NR5A2: variants seen among roughly 807,000 people sequenced by gnomAD.
NR5A2 encodes the protein CYP7A promoter-binding factor.
A neutral mutation model predicts 62.7 loss-of-function variants in NR5A2; 26 were observed. The ratio of observed to expected loss-of-function variants is 0.41; its 90% CI spans 0.30 to 0.58. NR5A2 has a LOEUF of 0.58. Ranked by LOEUF, NR5A2 falls within the 20% of genes least tolerant of loss-of-function variation. The pLI is 0.22. For synonymous variants in NR5A2, 246 were observed against 241.7 expected, an observed-to-expected ratio of 1.02 and a Z score of -0.16; for missense variants, 541 against 669.1, an observed-to-expected ratio of 0.81 and a Z score of 2.11.
At chr1:200,084,794 TGTG>T (rs1319047356) in intron 5 of NR5A2, among the ~76,000 whole-genome samples, 2 of 152,172 alleles carry the variant, frequency 1.3e-5, no homozygotes, top group Non-Finnish European at 2.9e-5. Context: ...ATAACAAAAA[TGTG>T]GTATCAAAGC....
chr1:200,089,557 G>A (rs1237426330), intron 5 of NR5A2, among the ~76,000 whole-genome samples: 4 of 152,130 alleles, frequency 2.6e-5, no homozygotes, highest in Admixed American at 1.3e-4. Context: ...TGCAGCCTGC[G>A]CCCCCAGGTT....
At chr1:200,030,883 C>T (rs912895891) in intron 1 of NR5A2, among the ~76,000 whole-genome samples, 3 of 152,208 alleles carry the variant, frequency 2.0e-5, no homozygotes, top group Non-Finnish European at 4.4e-5. Context: ...GTCTTGCTAT[C>T]TGGTCCCCTG....
At chr1:200,034,809 TTTTTTA>T (rs1488388577) in intron 1 of NR5A2, among the ~76,000 whole-genome samples, 7 of 130,554 alleles carry the variant, frequency 5.4e-5, no homozygotes, top group African/African-American at 6.9e-5. Context: ...TTTTTTTTTT[TTTTTTA>T]AACAAGGCAC....
chr1:200,169,167 C>T (rs1654054488), intron 7 of NR5A2, among the ~76,000 whole-genome samples: 1 of 151,968 alleles, frequency 6.6e-6, no homozygotes, highest in Non-Finnish European at 1.5e-5. Flanking sequence ...TACGATGTCA[C>T]CACTGCTTTT....
At chr1:200,100,043 A>G (rs949570524) in intron 5 of NR5A2, among the ~76,000 whole-genome samples, 2 of 152,226 alleles carry the variant, frequency 1.3e-5, no homozygotes, top group Non-Finnish European at 2.9e-5. Context: ...CCCAGAGGAA[A>G]ATATATCAAG....
intron 2 of NR5A2, among the ~76,000 whole-genome samples, chr1:200,041,039 C>T (rs1662045849): frequency 1.3e-5 from 2 of 152,036 alleles, no homozygotes; most frequent in Non-Finnish European, 2.9e-5. Flanking sequence ...TTCTTCCGGG[C>T]ACCTGGAATT....
At position 200,120,726 on chromosome 1, in the gene NR5A2, T is replaced by C. The variant is rs1320247360; in HGVS notation, c.1231-82T>C. ...TTTAAAAACCTGTATTGCAATCTGATTTTACCCATAGTTCTTACGACTCAG... is the reference window on the plus strand; with the variant it reads ...TTTAAAAACCTGTATTGCAATCTGACTTTACCCATAGTTCTTACGACTCAG... On this transcript the variant is annotated intron_variant, in intron 6 of 7. Transcript: ENST00000367362. 3.6e-6 allele frequency: 5 copies of C among 1,392,162 alleles called. No individual in the cohort carries two copies. The Admixed American group carries it at 7.9e-5, about 22-fold the overall frequency. 86.2% of individuals were successfully genotyped at this position (1,392,162 alleles called of 1,614,324 possible).
chr1:200,157,423 A>T (rs1653438339), intron 7 of NR5A2, among the ~76,000 whole-genome samples: 1 of 152,222 alleles, frequency 6.6e-6, no homozygotes, highest in African/African-American at 2.4e-5. Flanking sequence ...AGAATTGAGC[A>T]TAGCACTTAC....
intron 1 of NR5A2, among the ~76,000 whole-genome samples, chr1:200,031,922 G>A (rs908402277): frequency 1.1e-4 from 16 of 152,274 alleles, no homozygotes; most frequent in Admixed American, 1.3e-4. Flanking sequence ...ATTTATAGAG[G>A]AAGGGAGAAC....
chr1:200,068,305 G>A (rs1220637358), intron 5 of NR5A2, among the ~76,000 whole-genome samples: 1 of 152,094 alleles, frequency 6.6e-6, no homozygotes, highest in Non-Finnish European at 1.5e-5. Context: ...TTACAGATGA[G>A]CATAAATATG....
chr1:200,102,258 A>T (rs186636926), intron 5 of NR5A2, among the ~76,000 whole-genome samples: 99 of 152,340 alleles, frequency 6.5e-4, no homozygotes, highest in African/African-American at 2.1e-3. Flanking sequence ...AAATCGCACC[A>T]TTCCATGACT....
chr1:200,076,648 C>G (rs1664054467), intron 5 of NR5A2, among the ~76,000 whole-genome samples: 1 of 152,074 alleles, frequency 6.6e-6, no homozygotes, highest in African/African-American at 2.4e-5. Flanking sequence ...TTTGAGAATT[C>G]AAAAGCAGCT....
chr1:200,085,561 A>G (rs72740804), intron 5 of NR5A2, among the ~76,000 whole-genome samples: 10,827 of 152,172 alleles, frequency 0.071, 421 homozygotes, highest in Middle Eastern at 0.11. Flanking sequence ...GTGGTTATCT[A>G]AAAAATTAAA....
chr1:200,118,763 C>A (rs1301482240), intron 6 of NR5A2, among the ~76,000 whole-genome samples: 1 of 152,204 alleles, frequency 6.6e-6, no homozygotes, highest in Non-Finnish European at 1.5e-5. Context: ...GTAGAAAGTT[C>A]CCCTGTAAGA....
At chr1:200,086,028 A>G (rs1664510950) in intron 5 of NR5A2, among the ~76,000 whole-genome samples, 2 of 152,098 alleles carry the variant, frequency 1.3e-5, no homozygotes, top group Non-Finnish European at 2.9e-5. Flanking sequence ...TGTCCATTCT[A>G]GAATAGAGGG....
intron 5 of NR5A2, among the ~76,000 whole-genome samples, chr1:200,087,241 AACACACACACAC>A (rs34917175): frequency 6.7e-6 from 1 of 148,510 alleles, no homozygotes; most frequent in Non-Finnish European, 1.5e-5. Context: ...CTTCTTCACC[AACACACACACAC>A]ACACACACAC....
At chr1:200,061,650 T>A (rs1468005045) in intron 5 of NR5A2, among the ~76,000 whole-genome samples, 3 of 152,128 alleles carry the variant, frequency 2.0e-5, no homozygotes, top group Non-Finnish European at 1.5e-5. Context: ...ACATGACAGA[T>A]GGAATAATTG....
chr1:200,175,780 G>A lies in NR5A2; in HGVS notation c.*1570G>A, dbSNP rs1403556531. On this transcript the variant is annotated 3_prime_UTR_variant, in exon 8 of 8. Transcript: ENST00000367362. ...CGTGAGACACTAAAATCAAAAACGG[G>A]AATCTCATTTAGACTTTAATTTTTT... 1 of 152,446 alleles carries A rather than the reference G, an allele frequency of 6.6e-6. No homozygotes were observed. 9.4% of individuals were successfully genotyped at this position (152,446 alleles called of 1,614,324 possible).
chr1:200,085,533 G>A (rs1664481221), intron 5 of NR5A2, among the ~76,000 whole-genome samples: 3 of 152,116 alleles, frequency 2.0e-5, no homozygotes, highest in Middle Eastern at 3.4e-3. Context: ...CTAAAAATAG[G>A]GGTAATGTAT....
Sources: gnomAD v4.1 joint callset for allele counts (sites outside exome capture counted in the v4.1 genomes callset) on GRCh38, gnomAD v4.1.1 for gene constraint, MANE v1.5 for transcripts, NCBI Gene and HGNC (gene_info 2026-07-23, HGNC 2026-07-21) for gene names.